SLC22A3: variants seen among roughly 807,000 people sequenced by gnomAD.
The protein encoded by SLC22A3 is EMT organic cation transporter 3.
In SLC22A3, 51 loss-of-function variants were observed where a neutral mutation model predicts 59.1. The observed-to-expected ratio is 0.86, with a 90% CI of 0.69 to 1.09. SLC22A3 has a LOEUF of 1.09. Ranked by LOEUF, SLC22A3 falls within the 50% of genes least tolerant of loss-of-function variation. The pLI, the probability that SLC22A3 is intolerant of heterozygous loss-of-function variation, is 0.00. For synonymous variants in SLC22A3, 325 were observed against 292.0 expected (o/e 1.11, Z -1.15); for missense variants, 711 against 726.3 (o/e 0.98, Z 0.24).
chr6:160,447,954 A>T (rs1398975363), intron 10 of SLC22A3, 136 bp downstream of exon 10: 3 of 751,998 alleles, frequency 4.0e-6, no homozygotes, highest in Non-Finnish European at 6.9e-6. Context: ...TAAGCAAAAA[A>T]TTCAAAGTAG....
At chr6:160,354,273 G>A (rs1451807301) in intron 1 of SLC22A3, among the ~76,000 whole-genome samples, 1 of 152,232 alleles carries the variant, frequency 6.6e-6, no homozygotes, top group Middle Eastern at 3.2e-3. Context: ...CAAGTCAACT[G>A]AGCATCTGCC....
At chr6:160,437,830 G>A (rs1788403959) in intron 7 of SLC22A3, among the ~76,000 whole-genome samples, 1 of 152,180 alleles carries the variant, frequency 6.6e-6, no homozygotes, top group Admixed American at 6.5e-5. Context: ...CAGATATCAG[G>A]GAGAGAGAGG....
intron 5 of SLC22A3, among the ~76,000 whole-genome samples, chr6:160,435,452 G>A (rs932368162): frequency 6.6e-6 from 1 of 152,194 alleles, no homozygotes; most frequent in African/African-American, 2.4e-5. Flanking sequence ...ATACAGGATT[G>A]TGAAGACTTT....
At chr6:160,426,328 G>C (rs182389329) in intron 5 of SLC22A3, 1 of 985,272 alleles carries the variant, frequency 1.0e-6, no homozygotes, top group Non-Finnish European at 1.2e-6. Context: ...GGTTCTTGTG[G>C]TTTTGGTTCT....
At chr6:160,390,380 C>T (rs548422313) in intron 1 of SLC22A3, among the ~76,000 whole-genome samples, 1 of 152,276 alleles carries the variant, frequency 6.6e-6, no homozygotes, top group East Asian at 1.9e-4. Context: ...CCAGGGAGCT[C>T]TGCAAAGTCT....
At chr6:160,362,784 C>T (rs1388514315) in intron 1 of SLC22A3, among the ~76,000 whole-genome samples, 2 of 152,230 alleles carry the variant, frequency 1.3e-5, no homozygotes, top group African/African-American at 4.8e-5. Context: ...CCAGGCGGCA[C>T]CAGCGCGTTA....
Position 160,415,292 on chromosome 6 carries a change from C to T in SLC22A3, c.975+4446C>T, listed in dbSNP as rs1015887470. Among the ~76,000 whole-genome samples the T allele has an allele frequency of 2.6e-5, 4 of 152,206 alleles. No individual in the cohort carries two copies. Among genetic ancestry groups the T allele is most frequent in the Non-Finnish European group, 4.4e-5 (3 of 68,034 alleles). On this transcript the variant is annotated intron_variant, in intron 5 of 10. Coordinates refer to ENST00000275300, the MANE Select transcript of SLC22A3 (RefSeq NM_021977.4). The surrounding 1 kb of genome is among the most constrained non-coding windows in gnomAD (Gnocchi z 4.1). ...CACCATCCTGAGCAGAAAACCTCTT[C>T]GTGATGACGCAGAAGGACTGGCCAG...
intron 1 of SLC22A3, among the ~76,000 whole-genome samples, chr6:160,393,439 C>G (rs11962830): frequency 4.5e-5 from 6 of 134,412 alleles, no homozygotes; most frequent in African/African-American, 8.2e-5. Flanking sequence ...TCCCTCCCCC[C>G]TCCCCCTACC....
chr6:160,404,866 CAA>C (rs35421179), intron 2 of SLC22A3, among the ~76,000 whole-genome samples: 197 of 107,160 alleles, frequency 1.8e-3, no homozygotes, highest in Middle Eastern at 4.7e-3. Flanking sequence ...CAACCACATG[CAA>C]AAAAAAAAAA....
At chr6:160,354,302 G>C (rs1400845365) in intron 1 of SLC22A3, among the ~76,000 whole-genome samples, 1 of 152,230 alleles carries the variant, frequency 6.6e-6, no homozygotes, top group Admixed American at 6.5e-5. Flanking sequence ...AGTTTCCTCA[G>C]CACTAGAATG....
intron 5 of SLC22A3, among the ~76,000 whole-genome samples, chr6:160,431,223 C>A (rs1346896105): frequency 6.6e-6 from 1 of 151,974 alleles, no homozygotes; most frequent in Non-Finnish European, 1.5e-5. Context: ...ATTTAGTAAC[C>A]CTTTGGCAAC....
At chr6:160,407,503 A>G (rs1166844083) in intron 3 of SLC22A3, among the ~76,000 whole-genome samples, 2 of 152,176 alleles carry the variant, frequency 1.3e-5, no homozygotes, top group African/African-American at 4.8e-5. Flanking sequence ...ATTAATTTTT[A>G]TAAAATCTCA....
At position 160,384,836 on chromosome 6, in the gene SLC22A3, C is replaced by G. The variant is rs143297565; in HGVS notation, c.430-13143C>G. 6.4e-3 allele frequency among the ~76,000 whole-genome samples: 982 copies of G among 152,272 alleles called. 6 individuals are homozygous for G. Among genetic ancestry groups the G allele is most frequent in the African/African-American group, 0.022 (929 of 41,544 alleles). The stretch of plus-strand genomic sequence containing the variant: ...GATGGACTTTATCTGTGTGCCTCAT[C>G]ATGTCTCCACTCACCTCTTTCCCAT... On this transcript the variant is annotated intron_variant, in intron 1 of 10. Transcript: ENST00000275300.
intron 1 of SLC22A3, among the ~76,000 whole-genome samples, chr6:160,364,596 A>G (rs1282674205): frequency 1.3e-5 from 2 of 152,248 alleles, no homozygotes. Flanking sequence ...GGAGGCTATC[A>G]AAACCTATTG....
At chr6:160,354,066 G>T (rs1330383813) in intron 1 of SLC22A3, among the ~76,000 whole-genome samples, 5 of 152,158 alleles carry the variant, frequency 3.3e-5, no homozygotes, top group Non-Finnish European at 5.9e-5. Flanking sequence ...CACACTTTCT[G>T]GGAGTCTTGG....
At chr6:160,374,146 G>A (rs548928062) in intron 1 of SLC22A3, among the ~76,000 whole-genome samples, 2 of 152,240 alleles carry the variant, frequency 1.3e-5, no homozygotes, top group Non-Finnish European at 1.5e-5. Context: ...ATAGGCACCC[G>A]AGGGAATCTC....
rs9346816 is a variant in SLC22A3, at chr6:160,361,630, A to T, written c.429+12782A>T. Among the ~76,000 whole-genome samples, 273 of 152,068 alleles carry T rather than the reference A, an allele frequency of 1.8e-3. 5 individuals are homozygous for T. In the East Asian group the frequency reaches 0.043, roughly 24 times the overall value. The stretch of plus-strand genomic sequence containing the variant: ...CATGAGGCATGTGCCATTTTTGTAG[A>T]TTTTTTTTAGAGGAGGAAAGGAAGG... On this transcript the variant is annotated intron_variant, in intron 1 of 10. Coordinates refer to ENST00000275300, the MANE Select transcript of SLC22A3 (RefSeq NM_021977.4).
intron 5 of SLC22A3, among the ~76,000 whole-genome samples, chr6:160,424,467 T>C (rs1438069094): frequency 6.6e-6 from 1 of 152,238 alleles, no homozygotes; most frequent in Non-Finnish European, 1.5e-5. Context: ...TCAAAAAGGA[T>C]GAGTCACTGT....
At chr6:160,404,590 A>G (rs1786926719) in intron 2 of SLC22A3, among the ~76,000 whole-genome samples, 1 of 152,142 alleles carries the variant, frequency 6.6e-6, no homozygotes, top group South Asian at 2.1e-4. Flanking sequence ...TTGACAAACT[A>G]GTTCTAAAGT....
Sources: allele counts gnomAD v4.1 joint callset (sites outside exome capture counted in the v4.1 genomes callset), GRCh38; gene constraint gnomAD v4.1.1; non-coding constraint Gnocchi (gnomAD v3.1); transcripts MANE v1.5; gene names NCBI Gene and HGNC (gene_info 2026-07-23, HGNC 2026-07-21).